Variants in HYDIN observed in about 807,000 individuals in gnomAD.
The protein encoded by HYDIN is axonemal central pair apparatus protein HYDIN.
Under a neutral mutation model 403.9 loss-of-function variants are expected in HYDIN, and 132 were observed. The observed-to-expected ratio is 0.33, with a 90% CI of 0.28 to 0.38. The LOEUF (loss-of-function observed/expected upper bound fraction) is 0.38. Among genes scored for constraint, HYDIN ranks in the 10% least tolerant of loss-of-function variants. The pLI is 1.00. For synonymous variants in HYDIN, 1,202 were observed against 1,891.7 expected (o/e 0.64, Z 9.46); for missense variants, 2,827 against 5,009.5 (o/e 0.56, Z 13.15).
At chr16:71,163,649 C>T (rs1567395118) in intron 5 of HYDIN, among the ~76,000 whole-genome samples, 1 of 152,172 alleles carries the variant, frequency 6.6e-6, no homozygotes, top group Non-Finnish European at 1.5e-5. Flanking sequence ...CAGCCTACTG[C>T]AGGATGTGCA....
intron 7 of HYDIN, among the ~76,000 whole-genome samples, chr16:71,151,564 T>G (rs999456540): frequency 1.7e-4 from 26 of 152,284 alleles, no homozygotes; most frequent in African/African-American, 5.1e-4. Context: ...AGGTTGGATT[T>G]CCATCTGACT....
chr16:71,172,147 T>TA (rs1431135865), intron 5 of HYDIN, among the ~76,000 whole-genome samples: 1 of 152,262 alleles, frequency 6.6e-6, no homozygotes, highest in Non-Finnish European at 1.5e-5. Flanking sequence ...TTTTGGGCTA[T>TA]GGTTTTTAAA....
At chr16:71,176,277 C>A (rs961725348) in intron 4 of HYDIN, among the ~76,000 whole-genome samples, 2 of 150,524 alleles carry the variant, frequency 1.3e-5, no homozygotes, top group African/African-American at 4.9e-5. Context: ...TGCACTCCAG[C>A]CTGGGAGCAA....
intron 45 of HYDIN, chr16:70,933,769 C>T (rs1429193261): frequency 6.5e-6 from 1 of 154,858 alleles, no homozygotes; most frequent in African/African-American, 2.4e-5. Context: ...TTTCATGTGG[C>T]TTCTGCCTTT....
At chr16:71,151,143 G>A (rs2085522299) in intron 7 of HYDIN, among the ~76,000 whole-genome samples, 1 of 152,184 alleles carries the variant, frequency 6.6e-6, no homozygotes, top group African/African-American at 2.4e-5. Flanking sequence ...AATGTGTTAT[G>A]AGCTGTGCTT....
intron 1 of HYDIN, among the ~76,000 whole-genome samples, chr16:71,190,829 G>A (rs141263891): frequency 9.2e-5 from 14 of 152,238 alleles, no homozygotes; most frequent in African/African-American, 3.1e-4. Context: ...CTAAGCCTCC[G>A]ACCTACCAGC....
intron 61 of HYDIN, 23 bp from the exon 62 acceptor site, chr16:70,879,509 A>G: frequency 6.2e-7 from 1 of 1,610,674 alleles, no homozygotes; most frequent in Non-Finnish European, 8.5e-7. Context: ...GGAAGATTGT[A>G]GCCTGTCAGC....
At chr16:71,144,588 A>C (rs920251893) in intron 7 of HYDIN, among the ~76,000 whole-genome samples, 1 of 149,832 alleles carries the variant, frequency 6.7e-6, no homozygotes, top group South Asian at 2.2e-4. Flanking sequence ...ACAGGAAGAA[A>C]GAGGAAAAGA....
rs574011209 is a variant in HYDIN at position 70,874,789 on chromosome 16, C to T, written c.10660+28G>A. The stretch of plus-strand genomic sequence containing the variant: ...TGAAGCAGCTACTGAGATCCATTGC[C>T]CTCTAGAAGCACCCTCCCCACACTT... On this transcript the variant is annotated intron_variant, in intron 63 of 85. Transcript: ENST00000393567. 12 of 1,603,594 alleles carry T rather than the reference C, an allele frequency of 7.5e-6. No homozygotes were observed. The African/African-American group carries it at 8.0e-5, about 11-fold the overall frequency.
rs768428974 is a variant in HYDIN at position 70,840,271 on chromosome 16, G to C, written c.12874-38C>G. Reference sequence around the variant, plus strand: ...AATGGCAGGGGGACCATGATTAGGAGAAGTAGGAGGAGAGGGCTCTTAAGT... The same window carrying C: ...AATGGCAGGGGGACCATGATTAGGACAAGTAGGAGGAGAGGGCTCTTAAGT... On this transcript the variant is annotated intron_variant, in intron 75 of 85. Coordinates refer to ENST00000393567, the MANE Select transcript of HYDIN (RefSeq NM_001270974.2). 4.7e-6 allele frequency: 5 copies of C among 1,062,578 alleles called. No individual in the cohort carries two copies. In the African/African-American group the frequency reaches 7.7e-5, roughly 16 times the overall value. 65.8% of individuals were successfully genotyped at this position (1,062,578 alleles called of 1,614,324 possible).
intron 19 of HYDIN, among the ~76,000 whole-genome samples, chr16:71,028,912 TA>T (rs1419171665): frequency 2.2e-4 from 33 of 150,552 alleles, no homozygotes; most frequent in African/African-American, 7.8e-4. Context: ...ATACTGTTTA[TA>T]AAAAACACAT....
chr16:71,163,910 T>G (rs535508893), intron 5 of HYDIN, among the ~76,000 whole-genome samples: 1 of 152,028 alleles, frequency 6.6e-6, no homozygotes, highest in Non-Finnish European at 1.5e-5. Flanking sequence ...GAAACCTCAC[T>G]TCTTGCACAA....
At chr16:70,875,783 G>A (rs1259146077) in intron 62 of HYDIN, among the ~76,000 whole-genome samples, 5 of 152,084 alleles carry the variant, frequency 3.3e-5, no homozygotes, top group Non-Finnish European at 5.9e-5. Flanking sequence ...GAGGCTTCCC[G>A]ATGGGATTTT....
chr16:71,197,160 A>T (rs573847971), intron 1 of HYDIN, among the ~76,000 whole-genome samples: 19 of 152,296 alleles, frequency 1.2e-4, no homozygotes, highest in African/African-American at 4.3e-4. Context: ...TCAATACCTT[A>T]TCGTAAATGT....
chr16:71,221,302 C>A (rs1004469514), intron 1 of HYDIN, among the ~76,000 whole-genome samples: 2 of 151,778 alleles, frequency 1.3e-5, no homozygotes, highest in African/African-American at 4.8e-5. Context: ...AGCCAACTCT[C>A]TTAGAGATGT....
chr16:70,996,377 C>T (rs1458455794), intron 23 of HYDIN, among the ~76,000 whole-genome samples: 2 of 152,174 alleles, frequency 1.3e-5, no homozygotes, highest in South Asian at 2.1e-4. Context: ...GTCAGAGCCA[C>T]AGGAGTGGCT....
chr16:71,208,073 T>C (rs1038917962), intron 1 of HYDIN, among the ~76,000 whole-genome samples: 4 of 152,160 alleles, frequency 2.6e-5, no homozygotes, highest in African/African-American at 7.2e-5. Context: ...ATGGACCTAG[T>C]ACACAGCTAC....
At position 70,937,468 on chromosome 16, in the gene HYDIN, C is replaced by G. The variant is rs1383520107; in HGVS notation, c.6995+1146G>C. 8.6e-5 allele frequency among the ~76,000 whole-genome samples: 13 copies of G among 151,694 alleles called. 1 individual carries two copies. The highest frequency in any genetic ancestry group is 6.6e-4 in the Admixed American group (10 of 15,230). Reference sequence around the variant, plus strand: ...TTCAGTTCGAGATCAGCCTGGCCAACATGATGAAAACCTGTCTCTACTAAA... The same window carrying G: ...TTCAGTTCGAGATCAGCCTGGCCAAGATGATGAAAACCTGTCTCTACTAAA... On this transcript the variant is annotated intron_variant, in intron 44 of 85. Transcript: ENST00000393567.
intron 55 of HYDIN, 84 bp downstream of exon 55, chr16:70,894,359 ATTCAGG>A (rs1406390287): frequency 6.3e-7 from 1 of 1,576,720 alleles, no homozygotes; most frequent in Admixed American, 1.8e-5. Flanking sequence ...ACCCTATCGG[ATTCAGG>A]TTACCTGAAC....
Sources: allele counts gnomAD v4.1 joint callset (sites outside exome capture counted in the v4.1 genomes callset), GRCh38; gene constraint gnomAD v4.1.1; transcripts MANE v1.5; gene names NCBI Gene and HGNC (gene_info 2026-07-23, HGNC 2026-07-21).